Variants in SOCS7 observed in about 807,000 individuals in gnomAD.
SOCS7 encodes suppressor of cytokine signaling 7.
SOCS7 carries 18 observed loss-of-function variants against 58.9 expected under a neutral mutation model. The ratio of observed to expected loss-of-function variants is 0.31; its 90% CI spans 0.21 to 0.45. The LOEUF (loss-of-function observed/expected upper bound fraction) is 0.45. Ranked by LOEUF, SOCS7 falls within the 20% of genes least tolerant of loss-of-function variation. The probability of loss-of-function intolerance (pLI) is 1.00; values close to 1 mark genes in which losing one functional copy is unlikely to be tolerated. For synonymous variants in SOCS7, 388 were observed against 364.3 expected, an observed-to-expected ratio of 1.06 and a Z score of -0.74; for missense variants, 667 against 837.3, an observed-to-expected ratio of 0.80 and a Z score of 2.51.
intron 2 of SOCS7, among the ~76,000 whole-genome samples, chr17:38,362,028 G>T (rs2013486170): frequency 6.6e-6 from 1 of 152,204 alleles, no homozygotes; most frequent in South Asian, 2.1e-4. Context: ...TAGCAGTTAT[G>T]CAGTGCTTAG....
At chr17:38,367,767 A>G in intron 5 of SOCS7, 115 bp from the exon 6 acceptor site, 2 of 892,882 alleles carry the variant, frequency 2.2e-6, no homozygotes, top group Non-Finnish European at 3.4e-6. Context: ...GCTTTTACCT[A>G]TTGAAATATT....
In SOCS7 at chr17:38,381,884, A is replaced by C. The variant is rs978414409; in HGVS notation, c.1681+4042A>C. On this transcript the variant is annotated intron_variant, in intron 7 of 9. Transcript: ENST00000612932. ...GAGGCTGAGGCATGAGAATTGCTTG[A>C]GCCCCAGAATTGGAGATTGCAGTGA... Among the ~76,000 whole-genome samples the C allele has an allele frequency of 3.9e-4, 53 of 137,496 alleles. 1 individual carries two copies. The highest frequency in any genetic ancestry group is 8.6e-5 in the African/African-American group (3 of 35,070). The allele number at this position is 137,496 out of a possible 152,430, so 90.2% of individuals were successfully genotyped here. A position where few individuals can be genotyped will look rare whatever the true frequency, so the allele number is the denominator to read the frequency against.
intron 7 of SOCS7, among the ~76,000 whole-genome samples, chr17:38,387,079 T>C (rs1477364346): frequency 2.8e-5 from 2 of 70,880 alleles, no homozygotes; most frequent in Non-Finnish European, 4.7e-5. Context: ...GAGACTCTTA[T>C]CTTAAAAAAA....
chr17:38,394,609 C>A (rs767212262), intron 7 of SOCS7, among the ~76,000 whole-genome samples: 38 of 152,222 alleles, frequency 2.5e-4, no homozygotes, highest in Admixed American at 7.2e-4. Flanking sequence ...ATGTGCCCAA[C>A]AAGTATCTCC....
At chr17:38,379,166 A>C (rs1295917140) in intron 7 of SOCS7, among the ~76,000 whole-genome samples, 1 of 149,142 alleles carries the variant, frequency 6.7e-6, no homozygotes, top group Non-Finnish European at 1.5e-5. Flanking sequence ...TCAAAAAAAA[A>C]AAACAAAAAA....
Position 38,404,740 on chromosome 17 carries a change from G to A in SOCS7, c.*5258G>A, listed in dbSNP as rs1269574272. On this transcript the variant is annotated 3_prime_UTR_variant, in exon 10 of 10. Coordinates refer to ENST00000612932, the MANE Select transcript of SOCS7 (RefSeq NM_014598.4). ...GTCCTGAGCTCCCTAACCAGCTCAG[G>A]TGGAGCAGAAGCCTGCTCTCACTCC... 1 of 152,320 alleles carries A rather than the reference G, an allele frequency of 6.6e-6. No homozygotes were observed. Among genetic ancestry groups the A allele is most frequent in the East Asian group, 1.9e-4 (1 of 5,198 alleles). The allele number at this position is 152,320 out of a possible 1,614,324, so 9.4% of individuals were successfully genotyped here.
intron 7 of SOCS7, among the ~76,000 whole-genome samples, chr17:38,389,881 A>ATATATGTG (rs2038139599): frequency 5.8e-5 from 6 of 103,628 alleles, no homozygotes; most frequent in East Asian, 2.6e-4. Context: ...ATATATATAT[A>ATATATGTG]TGTACATATA....
rs2037561725 is a variant in SOCS7, at chr17:38,352,170, C to T, written c.118C>T (p.Pro40Ser). Residue 40 changes from proline to serine, a missense_variant, in exon 1 of 10, where the codon CCC becomes TCC. Pro to Ser is a moderately conservative substitution (Grantham distance 74, BLOSUM62 -1). Transcript: ENST00000612932. The surrounding 1 kb of genome is among the most constrained non-coding windows in gnomAD (Gnocchi z 5.5). ...AAPEPGPPPP[P>S]PGHGPPPPPF... ...CCCCGAGCCAGGCCCTCCGCCACCG[C>T]CCCCGGGCCATGGCCCCCCGCCGCC... is the stretch of plus-strand genomic sequence containing the variant. The T allele has an allele frequency of 1.2e-5, 15 of 1,257,962 alleles. No individual in the cohort carries two copies. In the South Asian group the frequency reaches 3.7e-4, roughly 31 times the overall value. The allele number at this position is 1,257,962 out of a possible 1,614,324, so 77.9% of individuals were successfully genotyped here.
chr17:38,365,968 T>A (rs1555568248), intron 4 of SOCS7: 2 of 1,090,652 alleles, frequency 1.8e-6, no homozygotes, highest in East Asian at 6.0e-5. Flanking sequence ...GGCACTTCAC[T>A]TCGAGGTGGG....
intron 6 of SOCS7, among the ~76,000 whole-genome samples, chr17:38,369,008 C>T (rs1367084366): frequency 6.6e-6 from 1 of 152,238 alleles, no homozygotes; most frequent in East Asian, 1.9e-4. Context: ...TTGTTAAACA[C>T]AGCTCTCTGG....
In SOCS7 at chr17:38,401,561, G is replaced by A. The variant is rs146103054; in HGVS notation, c.*2079G>A. ...GTAGAAAACAAAAAAGGTAAAAGAC[G>A]TAATATGTGGCCTAAGGGAGCTTTT... On this transcript the variant is annotated 3_prime_UTR_variant, in exon 10 of 10. Transcript: ENST00000612932. 4.6e-5 allele frequency: 7 copies of A among 152,152 alleles called. No individual in the cohort carries two copies. The highest frequency in any genetic ancestry group is 7.4e-5 in the Non-Finnish European group (5 of 68,022). The allele number at this position is 152,152 out of a possible 1,614,324, so 9.4% of individuals were successfully genotyped here. A position where few individuals can be genotyped will look rare whatever the true frequency, so the allele number is the denominator to read the frequency against.
rs2038343185 is a variant in SOCS7 at position 38,403,065 on chromosome 17, T to TA, written c.*3583_*3584insA. On this transcript the variant is annotated 3_prime_UTR_variant, in exon 10 of 10. Transcript: ENST00000612932. ...CTCTTTGGGACCATTGGTGCTGACCTTTGCCTGGTCACCTGCCTGTGCCTA... is the reference window on the plus strand; with the variant it reads ...CTCTTTGGGACCATTGGTGCTGACCTATTGCCTGGTCACCTGCCTGTGCCTA... 4 of 152,160 alleles carry TA rather than the reference T, an allele frequency of 2.6e-5. No homozygotes were observed. Among genetic ancestry groups the TA allele is most frequent in the Admixed American group, 1.3e-4 (2 of 15,276 alleles). The allele number at this position is 152,160 out of a possible 1,614,324, so 9.4% of individuals were successfully genotyped here. A position where few individuals can be genotyped will look rare whatever the true frequency, so the allele number is the denominator to read the frequency against.
chr17:38,392,104 TA>T (rs2038179692), intron 7 of SOCS7, among the ~76,000 whole-genome samples: 1 of 152,242 alleles, frequency 6.6e-6, no homozygotes, highest in Non-Finnish European at 1.5e-5. Flanking sequence ...TTCACATTTT[TA>T]ACTGCTTCTG....
Position 38,367,995 on chromosome 17 carries a change from C to T in SOCS7, c.1497C>T (p.Ser499=), listed in dbSNP as rs1480866766. 1.2e-6 allele frequency: 2 copies of T among 1,614,010 alleles called. No homozygotes were observed. The highest frequency in any genetic ancestry group is 2.7e-5 in the African/African-American group (2 of 74,916). Residue 499 remains serine, a synonymous_variant, in exon 6 of 10, where the codon AGC becomes AGT. Transcript: ENST00000612932. The part of the protein sequence containing the change: ...RDSSDPRYIL[S]LSFRSQGITH... ...GTTCTGATCCTCGTTACATCCTGAG[C>T]CTCAGTTTCCGATCACAGGGTATCA...
intron 6 of SOCS7, chr17:38,375,778 T>A (rs919160153): frequency 6.6e-6 from 1 of 152,116 alleles, no homozygotes; most frequent in Non-Finnish European, 1.5e-5. Context: ...CATTAATAGG[T>A]TCTTGGAAAC....
In SOCS7 at chr17:38,389,538, A is replaced by G. The variant is rs571341368; in HGVS notation, c.1682-5771A>G. ...GCCACTGCACTCCAGCTTTTATTTT[A>G]TCTCAAAAAATAAAGTTCTTTATAT... On this transcript the variant is annotated intron_variant, in intron 7 of 9. Transcript: ENST00000612932. Among the ~76,000 whole-genome samples, 244 of 152,148 alleles carry G rather than the reference A, an allele frequency of 1.6e-3. 1 individual carries two copies. Among genetic ancestry groups the G allele is most frequent in the African/African-American group, 5.5e-3 (230 of 41,512 alleles).
At chr17:38,365,632 A>G (rs2037779444) in intron 4 of SOCS7, 1 of 414,918 alleles carries the variant, frequency 2.4e-6, no homozygotes, top group African/African-American at 2.0e-5. Flanking sequence ...TAGGGATGAA[A>G]GACTACTGAA....
chr17:38,365,223 A>G (rs1188526799), intron 3 of SOCS7, 85 bp from the exon 4 acceptor site: 69 of 998,412 alleles, frequency 6.9e-5, no homozygotes, highest in Non-Finnish European at 1.0e-4. Flanking sequence ...GGGCAGCCTG[A>G]TAGTCCTTCT....
intron 5 of SOCS7, among the ~76,000 whole-genome samples, chr17:38,366,671 T>C (rs1322109604): frequency 1.3e-5 from 2 of 152,214 alleles, no homozygotes; most frequent in Admixed American, 6.5e-5. Flanking sequence ...AATTTATTTA[T>C]ATTTTTTGTA....
Sources: allele counts gnomAD v4.1 joint callset (sites outside exome capture counted in the v4.1 genomes callset), GRCh38; gene constraint gnomAD v4.1.1; non-coding constraint Gnocchi (gnomAD v3.1); transcripts MANE v1.5; gene names NCBI Gene and HGNC (gene_info 2026-07-23, HGNC 2026-07-21).